Variants in SNTA1 observed in about 807,000 individuals in gnomAD.
The protein encoded by SNTA1 is alpha-1-syntrophin.
SNTA1 carries 31 observed loss-of-function variants against 47.1 expected under a neutral mutation model. That is an observed-to-expected ratio of 0.66 (90% confidence interval 0.49 to 0.89). The LOEUF (loss-of-function observed/expected upper bound fraction) is 0.89. Among genes scored for constraint, SNTA1 ranks in the 40% least tolerant of loss-of-function variants. The probability of loss-of-function intolerance (pLI) is 0.00; values close to 1 mark genes in which losing one functional copy is unlikely to be tolerated. For synonymous variants in SNTA1, 300 were observed against 313.6 expected (o/e 0.96, Z 0.46); for missense variants, 575 against 693.0 (o/e 0.83, Z 1.91).
intron 3 of SNTA1, among the ~76,000 whole-genome samples, chr20:33,415,342 A>T (rs906728137): frequency 1.3e-5 from 2 of 152,166 alleles, no homozygotes; most frequent in Non-Finnish European, 2.9e-5. Context: ...GACTAATACT[A>T]CTTCACCTTC....
chr20:33,422,276 T>TA (rs1332903351), intron 2 of SNTA1, among the ~76,000 whole-genome samples: 1 of 150,970 alleles, frequency 6.6e-6, no homozygotes, highest in Non-Finnish European at 1.5e-5. Flanking sequence ...TCGTCTCTAC[T>TA]AAAATTACAA....
In SNTA1 at chr20:33,412,714, G is replaced by T. The variant is rs56157422; in HGVS notation, c.770C>A (p.Ala257Glu). Residue 257 changes from alanine to glutamate, a missense_variant, in exon 4 of 8, where the codon GCG becomes GAG. By Grantham distance (107) the Ala-to-Glu change is moderately radical (BLOSUM62 -1). Transcript: ENST00000217381. ...LFLRAKDEASARSWATAIQAQ... is the reference protein window; with the variant it reads ...LFLRAKDEASERSWATAIQAQ... Reference sequence around the variant, plus strand: ...TTGGATGGCAGTCGCCCACGACCTCGCACTAGCCTCATCCTTGGCCCTCAG... The same window carrying T: ...TTGGATGGCAGTCGCCCACGACCTCTCACTAGCCTCATCCTTGGCCCTCAG... 6.2e-7 allele frequency: 1 copy of T among 1,613,564 alleles called. No individual in the cohort carries two copies. Among genetic ancestry groups the T allele is most frequent in the Admixed American group, 1.7e-5 (1 of 59,986 alleles).
chr20:33,411,344 C>T (rs866884269), intron 5 of SNTA1, among the ~76,000 whole-genome samples: 1 of 152,204 alleles, frequency 6.6e-6, no homozygotes, highest in South Asian at 2.1e-4. Flanking sequence ...CCCACGCTCA[C>T]CCAGACACAA....
intron 1 of SNTA1, 119 bp downstream of exon 1, chr20:33,443,192 C>A (rs1990621490): frequency 2.8e-6 from 2 of 707,600 alleles, no homozygotes; most frequent in East Asian, 3.7e-5. Flanking sequence ...TTTCCTCAGA[C>A]CCCCCTTACC....
At chr20:33,438,718 T>A in intron 2 of SNTA1, 123 bp downstream of exon 2, 2 of 867,798 alleles carry the variant, frequency 2.3e-6, no homozygotes, top group South Asian at 2.7e-5. Context: ...TGTTTCTGTT[T>A]TCAGTCCTGC....
chr20:33,418,231 C>T (rs1162159051), intron 2 of SNTA1, among the ~76,000 whole-genome samples: 1 of 151,182 alleles, frequency 6.6e-6, no homozygotes. Context: ...TCCCAGCCTC[C>T]TTTGCAGTGA....
chr20:33,412,212 G>C, intron 5 of SNTA1, 84 bp downstream of exon 5: 2 of 1,464,738 alleles, frequency 1.4e-6, no homozygotes, highest in Admixed American at 2.0e-5. Flanking sequence ...GGTGGACAGG[G>C]CTGGAGTTCC....
Position 33,412,792 on chromosome 20 carries a change from C to T in SNTA1, c.702-10G>A. 6.3e-7 allele frequency: 1 copy of T among 1,591,546 alleles called. No homozygotes were observed. The highest frequency in any genetic ancestry group is 8.6e-7 in the Non-Finnish European group (1 of 1,167,268). ...GCAGATCTCCAGATACCTGCAGGCACAAATGGGTGGAGACAAGGACCTGAC... is the reference window on the plus strand; with the variant it reads ...GCAGATCTCCAGATACCTGCAGGCATAAATGGGTGGAGACAAGGACCTGAC... On this transcript the variant is annotated splice_polypyrimidine_tract_variant and intron_variant, in intron 3 of 7. Coordinates refer to ENST00000217381, the MANE Select transcript of SNTA1 (RefSeq NM_003098.3).
chr20:33,432,176 A>G (rs1990326137), intron 2 of SNTA1, among the ~76,000 whole-genome samples: 1 of 152,182 alleles, frequency 6.6e-6, no homozygotes, highest in African/African-American at 2.4e-5. Context: ...TGACTCAGCT[A>G]AGTTGAAACA....
chr20:33,425,889 T>C (rs1444090521), intron 2 of SNTA1, among the ~76,000 whole-genome samples: 1 of 151,718 alleles, frequency 6.6e-6, no homozygotes, highest in East Asian at 2.0e-4. Flanking sequence ...CTGGCCAACA[T>C]GGTGAAACCC....
At chr20:33,417,646 T>G in intron 3 of SNTA1, 73 bp downstream of exon 3, 1 of 1,033,766 alleles carries the variant, frequency 9.7e-7, no homozygotes, top group Non-Finnish European at 1.5e-6. Context: ...AACACAGAGG[T>G]GTCTTTCCAT....
At chr20:33,411,564 G>A (rs563447966) in intron 5 of SNTA1, among the ~76,000 whole-genome samples, 18 of 151,998 alleles carry the variant, frequency 1.2e-4, no homozygotes, top group African/African-American at 3.1e-4. Flanking sequence ...TGCACTCTCC[G>A]CTGCATTCTC....
In SNTA1 at chr20:33,408,699, A is replaced by C. The variant is rs1600835570; in HGVS notation, c.1425+2T>G. 1 of 1,613,894 alleles carries C rather than the reference A, an allele frequency of 6.2e-7. No individual in the cohort carries two copies. The highest frequency in any genetic ancestry group is 8.5e-7 in the Non-Finnish European group (1 of 1,179,866). On this transcript the variant is annotated splice_donor_variant, in intron 7 of 7. Coordinates refer to ENST00000217381, the MANE Select transcript of SNTA1 (RefSeq NM_003098.3). LOFTEE classifies it high-confidence loss of function. Reference sequence around the variant, plus strand: ...AGGGTGCAGAGGCAGCCCCTCACTCACGATCTCGCCTTCAGCACCTCCAAA... The same window carrying C: ...AGGGTGCAGAGGCAGCCCCTCACTCCCGATCTCGCCTTCAGCACCTCCAAA...
intron 2 of SNTA1, among the ~76,000 whole-genome samples, chr20:33,419,338 T>C (rs1034742081): frequency 6.6e-6 from 1 of 152,158 alleles, no homozygotes; most frequent in African/African-American, 2.4e-5. Flanking sequence ...GAAGTAATTC[T>C]TGGCCCACCT....
At chr20:33,418,744 GATTGTGCCACTGTACTCC>G (rs1241005076) in intron 2 of SNTA1, among the ~76,000 whole-genome samples, 3 of 125,976 alleles carry the variant, frequency 2.4e-5, no homozygotes, top group African/African-American at 9.3e-5. Flanking sequence ...AGTGAGCCAA[GATTGTGCCACTGTACTCC>G]AGCCTGGGTG....
At chr20:33,434,203 C>T (rs533435448) in intron 2 of SNTA1, among the ~76,000 whole-genome samples, 5 of 152,210 alleles carry the variant, frequency 3.3e-5, no homozygotes, top group African/African-American at 1.2e-4. Flanking sequence ...GGTGCAACTG[C>T]CAGGCCCAGA....
At chr20:33,424,680 A>AT (rs1990119968) in intron 2 of SNTA1, among the ~76,000 whole-genome samples, 1 of 151,540 alleles carries the variant, frequency 6.6e-6, no homozygotes, top group African/African-American at 2.4e-5. Context: ...TGCCTGGCTA[A>AT]TTTTTTTATT....
At chr20:33,422,148 C>A (rs1276675500) in intron 2 of SNTA1, among the ~76,000 whole-genome samples, 11 of 151,322 alleles carry the variant, frequency 7.3e-5, no homozygotes, top group Non-Finnish European at 5.9e-5. Flanking sequence ...ACTGGGAACT[C>A]CTAAAAGAAA....
Position 33,412,580 on chromosome 20 carries a change from C to A in SNTA1, c.904G>T (p.Glu302Ter). 1 of 1,613,124 alleles carries A rather than the reference C, an allele frequency of 6.2e-7. No homozygotes were observed. The highest frequency in any genetic ancestry group is 1.1e-5 in the South Asian group (1 of 91,024). The change falls in exon 4 of 8, where the codon GAG becomes TAG. Residue 302 changes from glutamate (E) to a stop codon, truncating the protein, a stop_gained. Transcript: ENST00000217381. LOFTEE classifies it high-confidence loss of function. ...GTCCCAGGCCCAGCAGGTACCTGCT[C>A]AGTTAGCCAGCCAATCTGCTTGATG... The part of the protein sequence containing the change: ...QDIKQIGWLT[E>*]QLPSGGTAPT...
Sources: gnomAD v4.1 joint callset for allele counts (sites outside exome capture counted in the v4.1 genomes callset) on GRCh38, gnomAD v4.1.1 for gene constraint, MANE v1.5 for transcripts, NCBI Gene and HGNC (gene_info 2026-07-23, HGNC 2026-07-21) for gene names.